The following ZNF722 variants were observed in gnomAD, a reference collection of about 807,000 sequenced individuals.
ZNF722 encodes zinc finger protein 722, also known as zinc finger protein 479 pseudogene.
At chr7:64,004,790 A>G in the ZNF722 span, among the ~76,000 whole-genome samples, 1 of 152,126 alleles carries the variant, frequency 6.6e-6, no homozygotes, top group Non-Finnish European at 1.5e-5. Flanking sequence ...AGAAACTGGG[A>G]AAAACTCAGA....
chr7:63,999,109 G>C, the ZNF722 span: 1 of 1,269,588 alleles, frequency 7.9e-7, no homozygotes. Flanking sequence ...GGAGTCTGAG[G>C]ACCCAAATCC....
the ZNF722 span, among the ~76,000 whole-genome samples, chr7:64,011,947 TC>T: frequency 6.6e-6 from 1 of 152,176 alleles, no homozygotes; most frequent in Non-Finnish European, 1.5e-5. Context: ...TTTGTTCATT[TC>T]TTTTTACTCT....
the ZNF722 span, among the ~76,000 whole-genome samples, chr7:64,012,794 G>C: frequency 6.6e-6 from 1 of 152,152 alleles, no homozygotes; most frequent in Non-Finnish European, 1.5e-5. Context: ...CTCCAGTGTT[G>C]GATGTGGGGC....
the ZNF722 span, among the ~76,000 whole-genome samples, chr7:64,001,523 T>G: frequency 2.6e-5 from 4 of 152,224 alleles, no homozygotes; most frequent in African/African-American, 9.6e-5. Flanking sequence ...TTTCTGGTTC[T>G]TGCTATTGTG....
the ZNF722 span, chr7:64,016,238 A>T: frequency 4.8e-6 from 1 of 208,268 alleles, no homozygotes; most frequent in Non-Finnish European, 9.6e-6. Flanking sequence ...TTCCAGGTTC[A>T]AGTGATTCTC....
the ZNF722 span, among the ~76,000 whole-genome samples, chr7:64,004,425 A>AAAAAAAAATATATAT: frequency 1.6e-5 from 1 of 61,116 alleles, no homozygotes; most frequent in Non-Finnish European, 2.7e-5. Flanking sequence ...AAAAAAAAAA[A>AAAAAAAAATATATAT]ATATATATAT....
chr7:64,007,230 G>GTGTGTGTGTATA, the ZNF722 span, among the ~76,000 whole-genome samples: 59 of 138,504 alleles, frequency 4.3e-4, no homozygotes, highest in Non-Finnish European at 4.6e-4. Flanking sequence ...GTTTGTGTGT[G>GTGTGTGTGTATA]TATATATATA....
the ZNF722 span, among the ~76,000 whole-genome samples, chr7:64,010,696 G>A: frequency 9.8e-4 from 149 of 152,298 alleles, 3 homozygotes; most frequent in South Asian, 0.027. Flanking sequence ...AGTGTGATGT[G>A]GTACTGAGAA....
chr7:64,015,065 G>A, the ZNF722 span: 3 of 1,364,744 alleles, frequency 2.2e-6, no homozygotes, highest in Middle Eastern at 1.8e-4. Flanking sequence ...TTCATCCAGA[G>A]CAGGGCATAA....
the ZNF722 span, among the ~76,000 whole-genome samples, chr7:64,016,673 G>A: frequency 6.6e-6 from 1 of 152,010 alleles, no homozygotes; most frequent in Non-Finnish European, 1.5e-5. Flanking sequence ...ATTGATATTG[G>A]AGAGAACCCC....
At chr7:64,004,425 A>AATATATATATAT in the ZNF722 span, among the ~76,000 whole-genome samples, 22 of 61,092 alleles carry the variant, frequency 3.6e-4, no homozygotes, top group East Asian at 9.9e-4. Context: ...AAAAAAAAAA[A>AATATATATATAT]ATATATATAT....
chr7:64,013,931 T>C, the ZNF722 span, among the ~76,000 whole-genome samples: 1 of 152,024 alleles, frequency 6.6e-6, no homozygotes, highest in Admixed American at 6.6e-5. Context: ...AAGATTCTTT[T>C]TCAGCCTTTG....
At chr7:64,013,677 C>T in the ZNF722 span, among the ~76,000 whole-genome samples, 2 of 151,932 alleles carry the variant, frequency 1.3e-5, no homozygotes, top group Admixed American at 1.3e-4. Flanking sequence ...GTTTTCGGCA[C>T]CATCACAATA....
chr7:64,012,447 G>C, the ZNF722 span, among the ~76,000 whole-genome samples: 1 of 152,164 alleles, frequency 6.6e-6, no homozygotes, highest in Middle Eastern at 3.2e-3. Flanking sequence ...GTGACCTACA[G>C]ATGGGGTTTT....
chr7:64,008,675 T>G, the ZNF722 span, among the ~76,000 whole-genome samples: 60 of 152,224 alleles, frequency 3.9e-4, 1 homozygote, highest in East Asian at 0.01. Context: ...AGTCAGGTAG[T>G]GTGATGCCTC....
At chr7:64,009,713 T>C in the ZNF722 span, among the ~76,000 whole-genome samples, 1 of 152,300 alleles carries the variant, frequency 6.6e-6, no homozygotes, top group Non-Finnish European at 1.5e-5. Flanking sequence ...CTTTTTTTGT[T>C]GTGTCTCTGC....
the ZNF722 span, chr7:64,016,016 C>G: frequency 1.2e-6 from 1 of 827,692 alleles, no homozygotes; most frequent in Non-Finnish European, 1.8e-6. Context: ...AAACCTTTAA[C>G]AAGTTCCAAA....
the ZNF722 span, among the ~76,000 whole-genome samples, chr7:64,004,425 A>ATATATATATATATAT: frequency 5.7e-4 from 35 of 61,098 alleles, no homozygotes; most frequent in African/African-American, 2.7e-3. Context: ...AAAAAAAAAA[A>ATATATATATATATAT]ATATATATAT....
At chr7:64,013,380 C>T in the ZNF722 span, among the ~76,000 whole-genome samples, 1 of 151,412 alleles carries the variant, frequency 6.6e-6, no homozygotes, top group Admixed American at 6.6e-5. Context: ...CTCATTTTAC[C>T]ATTATATAAT....
Sources: gnomAD v4.1 joint callset for allele counts (sites outside exome capture counted in the v4.1 genomes callset) on GRCh38, gnomAD v4.1.1 for gene constraint, MANE v1.5 for transcripts, NCBI Gene and HGNC (gene_info 2026-07-23, HGNC 2026-07-21) for gene names.